The following TMED6 variants were observed in gnomAD, a reference collection of about 807,000 sequenced individuals.
The protein encoded by TMED6 is transmembrane emp24 domain-containing protein 6.
Under a neutral mutation model 26.5 loss-of-function variants are expected in TMED6, and 17 were observed. That is an observed-to-expected ratio of 0.64 (90% CI 0.44 to 0.96). TMED6 has a LOEUF of 0.96. Among genes scored for constraint, TMED6 ranks in the 40% least tolerant of loss-of-function variants. The pLI, the probability that TMED6 is intolerant of heterozygous loss-of-function variation, is 0.00. For synonymous variants in TMED6, 107 were observed against 106.2 expected, an observed-to-expected ratio of 1.01 and a Z score of -0.04; for missense variants, 309 against 296.5, an observed-to-expected ratio of 1.04 and a Z score of -0.31.
rs1171927795 is a variant in TMED6, at chr16:69,343,593, G to A, written c.537C>T (p.Tyr179=). The A allele has an allele frequency of 1.9e-6, 3 of 1,614,190 alleles. No homozygotes were observed. The highest frequency in any genetic ancestry group is 2.2e-5 in the East Asian group (1 of 44,888). ...VQNNIFHMWR[Y]YNFARMRKMA... is the part of the protein sequence containing the mutation. ...TTTTCCTCATCCGGGCAAAGTTGTA[G>A]TATCGCCACATGTGAAAGATATTGT... The change falls in exon 4 of 4, where the codon TAC becomes TAT. Residue 179 remains tyrosine, a synonymous_variant. Transcript: ENST00000288025.
chr16:69,348,459 T>TGCGGGGGGGAGGGGGGC (rs2012721717), intron 2 of TMED6: 1 of 3,990 alleles, frequency 2.5e-4, no homozygotes, highest in African/African-American at 1.2e-3. Context: ...CCTTTGTGTG[T>TGCGGGGGGGAGGGGGGC]GCGGGGGGGA....
At chr16:69,344,580 C>G (rs2012651322) in intron 3 of TMED6, among the ~76,000 whole-genome samples, 1 of 151,676 alleles carries the variant, frequency 6.6e-6, no homozygotes, top group Non-Finnish European at 1.5e-5. Context: ...TAAGATCAGC[C>G]TGGCCAACAT....
intron 3 of TMED6, among the ~76,000 whole-genome samples, chr16:69,345,575 C>T (rs182416291): frequency 1.9e-4 from 28 of 145,628 alleles, no homozygotes; most frequent in African/African-American, 6.6e-4. Context: ...GCCACCTACT[C>T]AGGAGGCTGA....
At chr16:69,348,037 G>C (rs2012714086) in intron 2 of TMED6, 101 bp from the exon 3 acceptor site, 3 of 1,262,298 alleles carry the variant, frequency 2.4e-6, no homozygotes, top group Admixed American at 2.2e-5. Flanking sequence ...TCTACTACAG[G>C]ACCTTCTTTT....
At chr16:69,344,470 AC>A (rs1239550911) in intron 3 of TMED6, among the ~76,000 whole-genome samples, 1 of 152,174 alleles carries the variant, frequency 6.6e-6, no homozygotes, top group Non-Finnish European at 1.5e-5. Flanking sequence ...TTTAGGAGAG[AC>A]TATTAAGAAA....
Position 69,347,938 on chromosome 16 carries a change from T to C in TMED6, c.341-2A>G, listed in dbSNP as rs1350847426. 7.4e-6 allele frequency: 12 copies of C among 1,613,734 alleles called. No homozygotes were observed. Among genetic ancestry groups the C allele is most frequent in the Non-Finnish European group, 8.5e-6 (10 of 1,179,890 alleles). On this transcript the variant is annotated splice_acceptor_variant, in intron 2 of 3. Coordinates refer to ENST00000288025, the MANE Select transcript of TMED6 (RefSeq NM_144676.4). LOFTEE classifies it high-confidence loss of function. The stretch of plus-strand genomic sequence containing the variant: ...TACTTAGACAAAGCTGATAAAAACC[T>C]GTAGGAATTCTTAGATCATTACCAA...
intron 1 of TMED6, among the ~76,000 whole-genome samples, chr16:69,350,328 G>A (rs1248335125): frequency 6.7e-5 from 10 of 149,368 alleles, no homozygotes; most frequent in Admixed American, 2.0e-4. Flanking sequence ...TTTTTGAGAC[G>A]GAGTCTTGCT....
intron 3 of TMED6, among the ~76,000 whole-genome samples, chr16:69,344,786 G>A (rs1370595184): frequency 7.1e-6 from 1 of 141,296 alleles, no homozygotes; most frequent in African/African-American, 2.7e-5. Flanking sequence ...AAAAAAAAAA[G>A]AAAAAAAGAA....
At chr16:69,349,763 T>G in intron 1 of TMED6, 112 bp from the exon 2 acceptor site, 1 of 1,395,176 alleles carries the variant, frequency 7.2e-7, no homozygotes, top group Non-Finnish European at 9.8e-7. Context: ...CTGTCTGGGG[T>G]GGGACTGCCC....
intron 3 of TMED6, 116 bp from the exon 4 acceptor site, chr16:69,343,756 T>G (rs778150179): frequency 7.3e-5 from 56 of 771,320 alleles, no homozygotes; most frequent in Non-Finnish European, 1.1e-4. Context: ...GATTTTAAGA[T>G]GTACAATACA....
intron 3 of TMED6, among the ~76,000 whole-genome samples, chr16:69,345,051 T>C (rs1346565067): frequency 3.3e-5 from 5 of 152,164 alleles, no homozygotes; most frequent in Non-Finnish European, 7.3e-5. Context: ...ATTGTGCCAC[T>C]GCATTCCAGC....
At chr16:69,346,776 C>A (rs1244084636) in intron 3 of TMED6, among the ~76,000 whole-genome samples, 3 of 151,972 alleles carry the variant, frequency 2.0e-5, no homozygotes, top group Admixed American at 2.0e-4. Context: ...AAAAATAAGC[C>A]AGTCACAAAA....
In TMED6 at chr16:69,343,257, C is replaced by T. The variant is rs2142676076; in HGVS notation, c.*150G>A. 1.5e-6 allele frequency: 1 copy of T among 665,812 alleles called. No homozygotes were observed. Among genetic ancestry groups the T allele is most frequent in the Non-Finnish European group, 2.5e-6 (1 of 395,592 alleles). 41.2% of individuals were successfully genotyped at this position (665,812 alleles called of 1,614,324 possible). On this transcript the variant is annotated 3_prime_UTR_variant, in exon 4 of 4. Coordinates refer to ENST00000288025, the MANE Select transcript of TMED6 (RefSeq NM_144676.4). ...TACATACTTCTTCAGAACTTTTTCA[C>T]TGTTATGATTTTATTGCCATTTTGC...
chr16:69,344,520 C>G (rs2012650153), intron 3 of TMED6, among the ~76,000 whole-genome samples: 1 of 151,974 alleles, frequency 6.6e-6, no homozygotes, highest in African/African-American at 2.4e-5. Context: ...TACCTGTAAT[C>G]CCAGCACTTT....
chr16:69,348,061 CAA>C (rs539678903), intron 2 of TMED6, 125 bp from the exon 3 acceptor site: 58 of 1,009,102 alleles, frequency 5.7e-5, no homozygotes, highest in Non-Finnish European at 7.9e-5. Flanking sequence ...TTAGAAAGTA[CAA>C]AGATCCCGTT....
intron 3 of TMED6, among the ~76,000 whole-genome samples, chr16:69,345,504 A>T (rs1200133181): frequency 6.6e-6 from 1 of 151,760 alleles, no homozygotes; most frequent in Non-Finnish European, 1.5e-5. Context: ...CAACATGGTG[A>T]AACCCCCGTC....
intron 3 of TMED6, among the ~76,000 whole-genome samples, chr16:69,343,932 G>C (rs2012634799): frequency 6.6e-6 from 1 of 151,986 alleles, no homozygotes; most frequent in South Asian, 2.1e-4. Context: ...GCGCTCAAGT[G>C]ATCTTCCCAC....
Position 69,343,292 on chromosome 16 carries a change from T to A in TMED6, c.*115A>T. On this transcript the variant is annotated 3_prime_UTR_variant, in exon 4 of 4. Coordinates refer to ENST00000288025, the MANE Select transcript of TMED6 (RefSeq NM_144676.4). ...TTTATTGCCATTTTGCTTTTTTAGA[T>A]GTGTGCAGCAGACTAAAACATTAAT... is the stretch of plus-strand genomic sequence containing the variant. 1.1e-6 allele frequency: 1 copy of A among 941,834 alleles called. No homozygotes were observed. Among genetic ancestry groups the A allele is most frequent in the Non-Finnish European group, 1.6e-6 (1 of 639,412 alleles). 58.3% of individuals were successfully genotyped at this position (941,834 alleles called of 1,614,324 possible).
At chr16:69,347,157 T>C (rs1361216523) in intron 3 of TMED6, among the ~76,000 whole-genome samples, 6 of 152,088 alleles carry the variant, frequency 3.9e-5, no homozygotes, top group Non-Finnish European at 8.8e-5. Context: ...GGGTGGGTGA[T>C]AAACTTCCAG....
Sources: gnomAD v4.1 joint callset for allele counts (sites outside exome capture counted in the v4.1 genomes callset) on GRCh38, gnomAD v4.1.1 for gene constraint, MANE v1.5 for transcripts, NCBI Gene and HGNC (gene_info 2026-07-23, HGNC 2026-07-21) for gene names.